The following PTGER3 variants were observed in gnomAD, a reference collection of about 807,000 sequenced individuals.
The protein encoded by PTGER3 is prostaglandin E receptor 3, also known as prostaglandin E2 receptor EP3 subtype.
PTGER3 carries 22 observed loss-of-function variants against 34.7 expected under a neutral mutation model. The observed-to-expected ratio is 0.63, with a 90% CI of 0.45 to 0.91. The LOEUF (loss-of-function observed/expected upper bound fraction) is 0.91, where lower values mean the gene tolerates loss of function less well. Among genes scored for constraint, PTGER3 ranks in the 40% least tolerant of loss-of-function variants. The probability of loss-of-function intolerance (pLI) is 0.00; values close to 1 mark genes in which losing one functional copy is unlikely to be tolerated. For synonymous variants in PTGER3, 241 were observed against 230.1 expected (o/e 1.05, Z -0.43); for missense variants, 468 against 519.4 (o/e 0.90, Z 0.96).
At chr1:70,878,957 A>G (rs190332822) in intron 4 of PTGER3, among the ~76,000 whole-genome samples, 49 of 152,176 alleles carry the variant, frequency 3.2e-4, no homozygotes, top group Non-Finnish European at 5.9e-4. Flanking sequence ...GTTTTGGGGT[A>G]TAGTGTTCTG....
intron 2 of PTGER3, chr1:70,953,923 A>AT (rs1651038350): frequency 2.1e-6 from 1 of 478,372 alleles, no homozygotes; most frequent in African/African-American, 2.0e-5. Context: ...GACTAAAAGT[A>AT]TAGCAAAAGA....
At chr1:70,946,398 G>T (rs1311499776) in intron 4 of PTGER3, among the ~76,000 whole-genome samples, 3 of 152,050 alleles carry the variant, frequency 2.0e-5, no homozygotes, top group Admixed American at 2.0e-4. Context: ...TAACAGAATT[G>T]GTAAGAACCA....
At chr1:71,017,293 G>A (rs547233669) in intron 1 of PTGER3, among the ~76,000 whole-genome samples, 1 of 152,258 alleles carries the variant, frequency 6.6e-6, no homozygotes, top group South Asian at 2.1e-4. Context: ...GAAGGTGGAG[G>A]AAGGGATCCA....
downstream of PTGER3, among the ~76,000 whole-genome samples, chr1:70,948,662 T>C (rs1650452291): frequency 6.6e-6 from 1 of 152,186 alleles, no homozygotes; most frequent in Non-Finnish European, 1.5e-5. Flanking sequence ...CAAGTGTGTT[T>C]GATTTCATGT....
At chr1:70,863,121 A>C (rs1358463433) in intron 4 of PTGER3, among the ~76,000 whole-genome samples, 1 of 151,630 alleles carries the variant, frequency 6.6e-6, no homozygotes, top group Non-Finnish European at 1.5e-5. Flanking sequence ...CATGAGCTAC[A>C]GTTGCATCTA....
At chr1:70,860,096 C>T (rs767930742) in intron 4 of PTGER3, among the ~76,000 whole-genome samples, 10 of 151,938 alleles carry the variant, frequency 6.6e-5, no homozygotes, top group Non-Finnish European at 1.2e-4. Flanking sequence ...GTAATGTCCT[C>T]GTTATTTGGA....
chr1:71,034,718 T>G (rs1032132279), intron 1 of PTGER3, among the ~76,000 whole-genome samples: 1 of 152,232 alleles, frequency 6.6e-6, no homozygotes, highest in Non-Finnish European at 1.5e-5. Flanking sequence ...AATGAATTTT[T>G]CTAATACAAA....
At chr1:70,946,157 A>G (rs1376713349) in intron 4 of PTGER3, among the ~76,000 whole-genome samples, 3 of 152,020 alleles carry the variant, frequency 2.0e-5, no homozygotes, top group South Asian at 2.1e-4. Context: ...GCAGAGTCAG[A>G]TATCTCTGGA....
chr1:70,937,010 G>A (rs891664502), intron 4 of PTGER3, among the ~76,000 whole-genome samples: 1 of 152,106 alleles, frequency 6.6e-6, no homozygotes, highest in African/African-American at 2.4e-5. Context: ...CATCTAAAAG[G>A]GGAAGAAGTT....
At position 70,979,068 on chromosome 1, in the gene PTGER3, G is replaced by T. The variant is rs148486836; in HGVS notation, c.1078-4680C>A. Among the ~76,000 whole-genome samples, 666 of 152,184 alleles carry T rather than the reference G, an allele frequency of 4.4e-3. 6 individuals carry two copies. Among genetic ancestry groups the T allele is most frequent in the African/African-American group, 0.015 (642 of 41,530 alleles). On this transcript the variant is annotated intron_variant, in intron 2 of 3. Transcript: ENST00000306666. ...TGTTTCTTAAAGAAATGAAAGTATA[G>T]ATAACTGAGCAGGGTTAAAAGACTA...
intron 4 of PTGER3, among the ~76,000 whole-genome samples, chr1:70,856,610 G>T (rs1645811985): frequency 6.6e-6 from 1 of 151,914 alleles, no homozygotes; most frequent in Non-Finnish European, 1.5e-5. Context: ...CTTTATTATG[G>T]GCTTTTTCCC....
At position 70,964,472 on chromosome 1, in the gene PTGER3, G is replaced by A. The variant is rs142331740; in HGVS notation, c.1078-10683C>T. ...ACAATCATGGCAGGAGGTGAATGAG[G>A]AGCAAAGTCATGTCTTACATGGCAG... On this transcript the variant is annotated intron_variant, in intron 2 of 3. Transcript: ENST00000356595. Among the ~76,000 whole-genome samples, 591 of 152,344 alleles carry A rather than the reference G, an allele frequency of 3.9e-3. 2 individuals carry two copies. Among genetic ancestry groups the A allele is most frequent in the Non-Finnish European group, 6.4e-3 (437 of 68,042 alleles).
chr1:70,917,446 C>CGTGTGTGTGTGTGTGT (rs1557653574), intron 4 of PTGER3, among the ~76,000 whole-genome samples: 3 of 81,730 alleles, frequency 3.7e-5, no homozygotes, highest in South Asian at 3.0e-4. Context: ...TGTGTGTATA[C>CGTGTGTGTGTGTGTGT]AATCAATTCC....
chr1:70,936,291 G>C (rs1384006487), intron 4 of PTGER3, among the ~76,000 whole-genome samples: 1 of 152,174 alleles, frequency 6.6e-6, no homozygotes, highest in African/African-American at 2.4e-5. Context: ...CATAGCTGCA[G>C]AGGTAGAAAG....
chr1:71,041,175 G>A (rs1226675524), intron 1 of PTGER3, among the ~76,000 whole-genome samples: 2 of 152,196 alleles, frequency 1.3e-5, no homozygotes, highest in Non-Finnish European at 2.9e-5. Flanking sequence ...GATCAAAGAT[G>A]CGTTTAATAC....
intron 2 of PTGER3, among the ~76,000 whole-genome samples, chr1:70,977,219 C>T (rs540750932): frequency 6.6e-6 from 1 of 152,244 alleles, no homozygotes; most frequent in East Asian, 1.9e-4. Flanking sequence ...GGGCACGTCA[C>T]AGACACCAAA....
chr1:70,953,864 G>T, intron 2 of PTGER3: 1 of 644,368 alleles, frequency 1.6e-6, no homozygotes, highest in Non-Finnish European at 2.5e-6. Context: ...CTAAACCACA[G>T]ATGATGTTCA....
At position 70,935,378 on chromosome 1, in the gene PTGER3, A is replaced by G. The variant is rs1649113478; in HGVS notation, c.*23+18385T>C. 3.9e-5 allele frequency among the ~76,000 whole-genome samples: 6 copies of G among 152,014 alleles called. No individual in the cohort carries two copies. In the South Asian group the frequency reaches 1.2e-3, roughly 32 times the overall value. ...TTCCTTCTGCCTACTCTTTCTTCTCAGTTTTTATTTATATACATAAATAGC... is the reference window on the plus strand; with the variant it reads ...TTCCTTCTGCCTACTCTTTCTTCTCGGTTTTTATTTATATACATAAATAGC... On this transcript the variant is annotated intron_variant, in intron 4 of 4. Transcript: ENST00000370931.
chr1:70,945,898 T>A (rs182481405), intron 4 of PTGER3, among the ~76,000 whole-genome samples: 31 of 152,240 alleles, frequency 2.0e-4, no homozygotes, highest in African/African-American at 7.5e-4. Flanking sequence ...AACCAGAGAA[T>A]GCAAAATAGT....
Sources: gnomAD v4.1 joint callset for allele counts (sites outside exome capture counted in the v4.1 genomes callset) on GRCh38, gnomAD v4.1.1 for gene constraint, MANE v1.5 for transcripts, NCBI Gene and HGNC (gene_info 2026-07-23, HGNC 2026-07-21) for gene names.